Variants in PDCL2 observed in about 807,000 individuals in gnomAD.
PDCL2 encodes phosducin-like protein 2.
In PDCL2, 23 loss-of-function variants were observed where a neutral mutation model predicts 30.3. That is an observed-to-expected ratio of 0.76 (90% CI 0.55 to 1.08). The LOEUF is 1.08. Ranked by LOEUF, PDCL2 falls within the 50% of genes least tolerant of loss-of-function variation. The pLI, the probability that PDCL2 is intolerant of heterozygous loss-of-function variation, is 0.00. For missense variants in PDCL2, 243 were observed against 282.3 expected, an observed-to-expected ratio of 0.86 and a Z score of 1.00; for synonymous variants, 68 against 86.2, an observed-to-expected ratio of 0.79 and a Z score of 1.17.
intron 3 of PDCL2, among the ~76,000 whole-genome samples, chr4:55,573,897 G>A (rs200211863): frequency 2.0e-5 from 1 of 51,134 alleles, no homozygotes; most frequent in Admixed American, 1.7e-4. Context: ...TTTGTTTTTT[G>A]TTTGTTTTTT....
rs144299852 is a variant in PDCL2, at chr4:55,561,890, A to G, written c.571+514T>C. On this transcript the variant is annotated intron_variant, in intron 5 of 5. Transcript: ENST00000295645. ...TAAGTGAAAAGAAAGATGCATTGAG[A>G]ATATACACTACAGAAATTCAGTAGA... is the stretch of plus-strand genomic sequence containing the variant. Among the ~76,000 whole-genome samples, 151 of 152,316 alleles carry G rather than the reference A, an allele frequency of 9.9e-4. 1 individual carries two copies. Among genetic ancestry groups the G allele is most frequent in the African/African-American group, 3.3e-3 (139 of 41,570 alleles).
chr4:55,557,298 A>C (rs1731996537), intron 5 of PDCL2, among the ~76,000 whole-genome samples: 1 of 152,228 alleles, frequency 6.6e-6, no homozygotes, highest in African/African-American at 2.4e-5. Context: ...TTTATAAAGA[A>C]CAGAGATTTA....
At chr4:55,589,939 G>A (rs147826022) in intron 1 of PDCL2, among the ~76,000 whole-genome samples, 1 of 152,176 alleles carries the variant, frequency 6.6e-6, no homozygotes, top group Non-Finnish European at 1.5e-5. Flanking sequence ...ACTCATGCCT[G>A]TAATCCCAGC....
chr4:55,573,360 C>A (rs528835146), intron 3 of PDCL2, among the ~76,000 whole-genome samples: 4 of 152,308 alleles, frequency 2.6e-5, no homozygotes, highest in African/African-American at 9.6e-5. Context: ...ATTATCTACA[C>A]AATAACATTT....
intron 4 of PDCL2, among the ~76,000 whole-genome samples, chr4:55,569,282 C>T (rs1698669352): frequency 1.3e-5 from 2 of 152,118 alleles, no homozygotes; most frequent in African/African-American, 4.8e-5. Flanking sequence ...AATAAATCAT[C>T]ATGCTATGTT....
chr4:55,560,888 C>A (rs1312565422), intron 5 of PDCL2, among the ~76,000 whole-genome samples: 2 of 152,060 alleles, frequency 1.3e-5, no homozygotes, highest in African/African-American at 4.8e-5. Flanking sequence ...GAAGAACAGG[C>A]CCTCAGAAAA....
chr4:55,558,929 C>T (rs539313921), intron 5 of PDCL2, among the ~76,000 whole-genome samples: 26 of 152,170 alleles, frequency 1.7e-4, no homozygotes, highest in Non-Finnish European at 3.2e-4. Flanking sequence ...TGCACACACA[C>T]GCACTCTTAT....
chr4:55,557,016 T>A (rs1266369767), intron 5 of PDCL2, among the ~76,000 whole-genome samples: 1 of 152,046 alleles, frequency 6.6e-6, no homozygotes, highest in Non-Finnish European at 1.5e-5. Context: ...GTTATTTTTT[T>A]AAGTAGAGTC....
intron 3 of PDCL2, among the ~76,000 whole-genome samples, chr4:55,575,185 T>C (rs550483741): frequency 9.9e-5 from 15 of 152,250 alleles, no homozygotes; most frequent in Admixed American, 5.9e-4. Flanking sequence ...AGTTGGAGAA[T>C]TGGTTGTGGG....
rs201177352 is a variant in PDCL2, at chr4:55,556,743, A to G, written c.572-32T>C. 1.2e-4 allele frequency: 169 copies of G among 1,464,486 alleles called. 1 individual carries two copies. The African/African-American group carries it at 2.1e-3, about 18-fold the overall frequency. 90.7% of individuals were successfully genotyped at this position (1,464,486 alleles called of 1,614,324 possible). On this transcript the variant is annotated intron_variant, in intron 5 of 5. Coordinates refer to ENST00000295645, the MANE Select transcript of PDCL2 (RefSeq NM_152401.3). Reference sequence around the variant, plus strand: ...TAAATAACCCATCATTCAGTTAAAAATCTTGAAAAAATGAATAATTTTTCA... The same window carrying G: ...TAAATAACCCATCATTCAGTTAAAAGTCTTGAAAAAATGAATAATTTTTCA...
chr4:55,566,429 CTTTTT>C (rs59299412), intron 4 of PDCL2, among the ~76,000 whole-genome samples: 1 of 126,912 alleles, frequency 7.9e-6, no homozygotes, highest in South Asian at 2.5e-4. Flanking sequence ...TCCTTTTTCT[CTTTTT>C]TTTTTTTTTT....
Position 55,580,804 on chromosome 4 carries a change from CA to C in PDCL2, c.218+16del, listed in dbSNP as rs763136282. 1 of 1,528,578 alleles carries C rather than the reference CA, an allele frequency of 6.5e-7. No homozygotes were observed. The allele number at this position is 1,528,578 out of a possible 1,614,324, so 94.7% of individuals were successfully genotyped here. ...TTCATTCAAAAATTTATAATTAACC[CA>C]AATGAATCACTGTACCTATATGTTT... On this transcript the variant is annotated intron_variant, in intron 3 of 5. Coordinates refer to ENST00000295645, the MANE Select transcript of PDCL2 (RefSeq NM_152401.3).
At chr4:55,587,807 C>T (rs2110169609) in intron 1 of PDCL2, among the ~76,000 whole-genome samples, 1 of 152,292 alleles carries the variant, frequency 6.6e-6, no homozygotes, top group South Asian at 2.1e-4. Flanking sequence ...CCACCTGCCT[C>T]AGCCTCCCAA....
intron 4 of PDCL2, 107 bp from the exon 5 acceptor site, chr4:55,562,719 T>A: frequency 1.5e-6 from 1 of 684,950 alleles, no homozygotes; most frequent in Non-Finnish European, 2.3e-6. Context: ...TAGATTAATA[T>A]AAAAGCACAT....
intron 4 of PDCL2, among the ~76,000 whole-genome samples, chr4:55,568,121 A>G (rs1341566772): frequency 6.6e-6 from 1 of 152,212 alleles, no homozygotes; most frequent in African/African-American, 2.4e-5. Context: ...TCTGTATATA[A>G]TTTCCCTGAG....
intron 3 of PDCL2, among the ~76,000 whole-genome samples, chr4:55,579,136 A>G (rs1356500400): frequency 6.7e-6 from 1 of 149,482 alleles, no homozygotes; most frequent in Non-Finnish European, 1.5e-5. Context: ...AAGTTGTTCT[A>G]ACTTTGGCCC....
rs138557814 is a variant in PDCL2 at position 55,565,389 on chromosome 4, G to A, written c.363-2777C>T. 6.6e-3 allele frequency among the ~76,000 whole-genome samples: 1,001 copies of A among 152,214 alleles called. 17 individuals are homozygous for A. Among genetic ancestry groups the A allele is most frequent in the African/African-American group, 0.022 (931 of 41,514 alleles). ...TTTAACTGACTCACAGTTCAGTATGGCTGGGGAGGCCTCAAGAAACTTACA... is the reference window on the plus strand; with the variant it reads ...TTTAACTGACTCACAGTTCAGTATGACTGGGGAGGCCTCAAGAAACTTACA... On this transcript the variant is annotated intron_variant, in intron 4 of 5. Transcript: ENST00000295645.
chr4:55,563,375 T>A (rs1248614733), intron 4 of PDCL2, among the ~76,000 whole-genome samples: 1 of 152,180 alleles, frequency 6.6e-6, no homozygotes, highest in Non-Finnish European at 1.5e-5. Context: ...TCTTTCTCCA[T>A]TTTACATAAA....
chr4:55,584,235 T>TG (rs1394567728), intron 1 of PDCL2, among the ~76,000 whole-genome samples: 2 of 75,148 alleles, frequency 2.7e-5, no homozygotes, highest in African/African-American at 7.9e-5. Context: ...ATGTTACTAG[T>TG]TTTTTTTTGT....
Sources: gnomAD v4.1 joint callset for allele counts (sites outside exome capture counted in the v4.1 genomes callset) on GRCh38, gnomAD v4.1.1 for gene constraint, MANE v1.5 for transcripts, NCBI Gene and HGNC (gene_info 2026-07-23, HGNC 2026-07-21) for gene names.